COBL: variants seen among roughly 807,000 people sequenced by gnomAD.
The protein encoded by COBL is cordon-bleu WH2 repeat protein.
Under a neutral mutation model 98.8 loss-of-function variants are expected in COBL, and 51 were observed. The ratio of observed to expected loss-of-function variants is 0.52; its 90% CI spans 0.41 to 0.65. The LOEUF (loss-of-function observed/expected upper bound fraction) is 0.65, where lower values mean the gene tolerates loss of function less well. Among genes scored for constraint, COBL ranks in the 30% least tolerant of loss-of-function variants. The probability of loss-of-function intolerance (pLI) is 0.00; values close to 1 mark genes in which losing one functional copy is unlikely to be tolerated. For missense variants in COBL, 1,617 were observed against 1,617.5 expected, an observed-to-expected ratio of 1.00 and a Z score of 0.01; for synonymous variants, 634 against 651.7, an observed-to-expected ratio of 0.97 and a Z score of 0.41.
intron 6 of COBL, among the ~76,000 whole-genome samples, chr7:51,129,128 A>C (rs1798503384): frequency 6.6e-6 from 1 of 152,136 alleles, no homozygotes. Flanking sequence ...TTTTTCACTG[A>C]GAAACTGTGT....
rs1397080114 is a variant in COBL, at chr7:51,184,171, A to G, written c.714T>C (p.Asn238=). 1.2e-5 allele frequency: 18 copies of G among 1,564,578 alleles called. No individual in the cohort carries two copies. The highest frequency in any genetic ancestry group is 1.9e-5 in the Admixed American group (1 of 52,404). The change falls in exon 5 of 13, where the codon AAT becomes AAC. Residue 238 remains asparagine (N), a synonymous_variant. Coordinates refer to ENST00000265136, the MANE Select transcript of COBL (RefSeq NM_015198.5). ...RETFRKSSLG[N]DETDKEKKKF... The stretch of plus-strand genomic sequence containing the variant: ...TTTTCTTCTCTTTATCTGTCTCATC[A>G]TTGCCAAGTGATGATTTCCTAAAGG...
chr7:51,238,978 CATT>C (rs1795524428), intron 1 of COBL, among the ~76,000 whole-genome samples: 1 of 152,140 alleles, frequency 6.6e-6, no homozygotes, highest in African/African-American at 2.4e-5. Flanking sequence ...GTAGCGTACT[CATT>C]ATTAAAAAGT....
At chr7:51,316,518 G>T in intron 1 of COBL, 75 bp downstream of exon 1, 1 of 1,108,320 alleles carries the variant, frequency 9.0e-7, no homozygotes. Context: ...CTGCCCGGGA[G>T]CGCGCGGTGC....
At position 51,026,571 on chromosome 7, in the gene COBL, T is replaced by C; in HGVS notation, c.3479A>G (p.His1160Arg). Residue 1160 changes from histidine (H) to arginine (R), a missense_variant, in exon 11 of 13, where the codon CAC (histidine) becomes CGC (arginine). Physicochemically the swap from His to Arg is conservative, Grantham distance 29. Coordinates refer to ENST00000265136, the MANE Select transcript of COBL (RefSeq NM_015198.5). ...CTTCCTCAGGCTGCAGGTGCCGCTG[T>C]GCCCGCGGATAGCTGCCAGCAGTGC... ...RSALLAAIRG[H>R]SGTCSLRKVA... 6.2e-7 allele frequency: 1 copy of C among 1,614,168 alleles called. No individual in the cohort carries two copies. Among genetic ancestry groups the C allele is most frequent in the Non-Finnish European group, 8.5e-7 (1 of 1,180,038 alleles).
intron 2 of COBL, among the ~76,000 whole-genome samples, chr7:51,195,946 G>C (rs1028953805): frequency 1.3e-5 from 2 of 152,128 alleles, no homozygotes; most frequent in Admixed American, 1.3e-4. Flanking sequence ...TCTGCAAATG[G>C]AGATAGTTTG....
rs376426264 is a variant in COBL, at chr7:51,056,404, G to A, written c.1097-12712C>T. Among the ~76,000 whole-genome samples, 8 of 152,100 alleles carry A rather than the reference G, an allele frequency of 5.3e-5. No homozygotes were observed. The South Asian group carries it at 1.0e-3, about 20-fold the overall frequency. ...AAGGCTAGTGAGAGGTGCCTGTATC[G>A]TCACCGGGGGAAATGAGCCCTCATC... On this transcript the variant is annotated intron_variant, in intron 7 of 12. Transcript: ENST00000265136.
chr7:51,161,117 C>T (rs1786758278), intron 5 of COBL, among the ~76,000 whole-genome samples: 1 of 152,164 alleles, frequency 6.6e-6, no homozygotes, highest in Non-Finnish European at 1.5e-5. Context: ...TTTTCCTGTT[C>T]TCAACTGATG....
chr7:51,017,857 A>T (rs1373212506), intron 12 of COBL, among the ~76,000 whole-genome samples: 1 of 152,210 alleles, frequency 6.6e-6, no homozygotes, highest in East Asian at 1.9e-4. Context: ...GTCCAGACAG[A>T]GGACACTGCC....
intron 1 of COBL, among the ~76,000 whole-genome samples, chr7:51,293,348 A>G (rs1305963689): frequency 6.6e-6 from 1 of 152,198 alleles, no homozygotes; most frequent in Non-Finnish European, 1.5e-5. Context: ...AAACCCCAAA[A>G]CAACCTAAAT....
chr7:51,084,024 A>G (rs534290258), intron 7 of COBL, among the ~76,000 whole-genome samples: 1 of 152,280 alleles, frequency 6.6e-6, no homozygotes, highest in East Asian at 1.9e-4. Context: ...ACAGGAGAAA[A>G]CCAGGTTTAT....
At chr7:51,256,269 T>C (rs1797187230) in intron 1 of COBL, among the ~76,000 whole-genome samples, 1 of 152,124 alleles carries the variant, frequency 6.6e-6, no homozygotes, top group African/African-American at 2.4e-5. Context: ...ATATATACTG[T>C]AGCACACTAA....
intron 6 of COBL, among the ~76,000 whole-genome samples, chr7:51,135,228 G>C (rs886592314): frequency 6.6e-6 from 1 of 152,184 alleles, no homozygotes; most frequent in Non-Finnish European, 1.5e-5. Context: ...CTCCCAAAGC[G>C]CCGGGATTAC....
At position 51,073,452 on chromosome 7, in the gene COBL, T is replaced by G. The variant is rs112937388; in HGVS notation, c.1096+11714A>C. ...GCGGTGAAATAAATATCTGCCATTA[T>G]CATTCATTTTCCAGCCCCTGGAGAT... On this transcript the variant is annotated intron_variant, in intron 7 of 12. Coordinates refer to ENST00000265136, the MANE Select transcript of COBL (RefSeq NM_015198.5). The G allele has an allele frequency of 1.4e-3, 858 of 612,912 alleles. 4 individuals are homozygous for G. The Middle Eastern group carries it at 0.017, about 12-fold the overall frequency. 38.0% of individuals were successfully genotyped at this position (612,912 alleles called of 1,614,324 possible).
intron 5 of COBL, among the ~76,000 whole-genome samples, chr7:51,159,281 G>T (rs1366806108): frequency 6.6e-6 from 1 of 152,180 alleles, no homozygotes; most frequent in Non-Finnish European, 1.5e-5. Flanking sequence ...ACAAGGCCAG[G>T]CTGTGTGAAG....
chr7:51,145,411 A>G (rs112120837), intron 5 of COBL, among the ~76,000 whole-genome samples: 21,192 of 117,300 alleles, frequency 0.18, 1,962 homozygotes, highest in African/African-American at 0.32. Context: ...ATGGAGTGTC[A>G]CTCCTGTCGC....
intron 1 of COBL, among the ~76,000 whole-genome samples, chr7:51,258,443 T>C (rs1797394289): frequency 1.3e-5 from 2 of 152,192 alleles, no homozygotes; most frequent in African/African-American, 4.8e-5. Flanking sequence ...CCTTCCTCCA[T>C]GGAATGTACT....
intron 1 of COBL, among the ~76,000 whole-genome samples, chr7:51,263,164 G>A (rs1023681871): frequency 1.3e-5 from 2 of 152,178 alleles, no homozygotes; most frequent in African/African-American, 4.8e-5. Flanking sequence ...AGCCGAGGGT[G>A]GCCCTGGGAG....
intron 1 of COBL, among the ~76,000 whole-genome samples, chr7:51,288,535 C>A (rs534878854): frequency 6.6e-6 from 1 of 152,018 alleles, no homozygotes; most frequent in African/African-American, 2.4e-5. Flanking sequence ...GGTGGCTCAC[C>A]TGAGGTCAGG....
rs191244742 is a variant in COBL, at chr7:51,027,955, G to A, written c.3141C>T (p.Gly1047=). The change falls in exon 10 of 13, where the codon GGC becomes GGT. Residue 1047 remains glycine, a synonymous_variant. Coordinates refer to ENST00000265136, the MANE Select transcript of COBL (RefSeq NM_015198.5). ...ACCCTCCTGGAGGGTGGGAAGGCTC[G>A]CCGTGGCCTGGGGCGCGCACAGAGC... ...VNGSVRAPGH[G]EPSHPPGGSG... 8 of 1,611,148 alleles carry A rather than the reference G, an allele frequency of 5.0e-6. No individual in the cohort carries two copies. The highest frequency in any genetic ancestry group is 4.0e-5 in the African/African-American group (3 of 74,944).
Sources: allele counts gnomAD v4.1 joint callset (sites outside exome capture counted in the v4.1 genomes callset), GRCh38; gene constraint gnomAD v4.1.1; transcripts MANE v1.5; gene names NCBI Gene and HGNC (gene_info 2026-07-23, HGNC 2026-07-21).